PATJ: variants seen among roughly 807,000 people sequenced by gnomAD.
PATJ encodes the protein inaD-like protein.
A neutral mutation model predicts 224.9 loss-of-function variants in PATJ; 190 were observed. That is an observed-to-expected ratio of 0.84 (90% CI 0.75 to 0.95). PATJ has a LOEUF of 0.95. PATJ is among the 40% of genes least tolerant of loss of function. The pLI, the probability that PATJ is intolerant of heterozygous loss-of-function variation, is 0.00. For missense variants in PATJ, 2,121 were observed against 2,270.3 expected, an observed-to-expected ratio of 0.93 and a Z score of 1.34; for synonymous variants, 769 against 820.3, an observed-to-expected ratio of 0.94 and a Z score of 1.07.
chr1:62,057,841 G>A (rs1398942164), intron 31 of PATJ, among the ~76,000 whole-genome samples: 1 of 152,166 alleles, frequency 6.6e-6, no homozygotes, highest in African/African-American at 2.4e-5. Flanking sequence ...GCTTGGCCAG[G>A]AGCCCAAGAG....
chr1:61,956,350 C>A (rs145720804), intron 27 of PATJ, among the ~76,000 whole-genome samples: 2 of 152,098 alleles, frequency 1.3e-5, no homozygotes, highest in African/African-American at 4.8e-5. Flanking sequence ...TGGAAATGTA[C>A]GAGCATTTTG....
intron 27 of PATJ, among the ~76,000 whole-genome samples, chr1:61,973,580 A>G (rs1683259401): frequency 6.6e-6 from 1 of 152,024 alleles, no homozygotes; most frequent in African/African-American, 2.4e-5. Context: ...GCTGATGACC[A>G]CGATCTGATG....
chr1:61,814,329 G>C (rs1655596772), intron 14 of PATJ, among the ~76,000 whole-genome samples: 1 of 152,028 alleles, frequency 6.6e-6, no homozygotes, highest in African/African-American at 2.4e-5. Flanking sequence ...TTTTTGTAAA[G>C]ACGGGATTTC....
intron 27 of PATJ, among the ~76,000 whole-genome samples, chr1:61,947,453 TC>T (rs200133596): frequency 0.028 from 4,280 of 152,146 alleles, 230 homozygotes; most frequent in African/African-American, 0.098. Context: ...ATGAGTGAAC[TC>T]CCCTTCACAA....
At chr1:62,085,585 C>G (rs1044985254) in intron 33 of PATJ, among the ~76,000 whole-genome samples, 1 of 151,946 alleles carries the variant, frequency 6.6e-6, no homozygotes, top group African/African-American at 2.4e-5. Flanking sequence ...GTAACCGAGG[C>G]AGGTGGATAG....
chr1:62,012,580 C>A (rs1033295938), intron 28 of PATJ, among the ~76,000 whole-genome samples: 2 of 152,042 alleles, frequency 1.3e-5, no homozygotes, highest in African/African-American at 2.4e-5. Flanking sequence ...TAATCTAAAG[C>A]TAATTGTGCA....
intron 27 of PATJ, among the ~76,000 whole-genome samples, chr1:61,982,961 C>T (rs930691398): frequency 7.9e-5 from 12 of 151,890 alleles, no homozygotes; most frequent in African/African-American, 2.9e-4. Context: ...ATACTCTTTA[C>T]CTCTTTAGTC....
intron 27 of PATJ, among the ~76,000 whole-genome samples, chr1:61,970,031 A>C (rs1042869282): frequency 6.6e-6 from 1 of 151,744 alleles, no homozygotes; most frequent in Admixed American, 6.6e-5. Flanking sequence ...TTAAGTTGTG[A>C]AATTTTGATG....
At chr1:61,921,099 A>G (rs980698761) in intron 26 of PATJ, among the ~76,000 whole-genome samples, 7 of 152,056 alleles carry the variant, frequency 4.6e-5, no homozygotes, top group African/African-American at 1.7e-4. Context: ...TCTGTGATCA[A>G]TATTTTGGTT....
chr1:61,885,023 G>A (rs1288981728), intron 22 of PATJ, among the ~76,000 whole-genome samples: 4 of 152,146 alleles, frequency 2.6e-5, no homozygotes, highest in South Asian at 2.1e-4. Flanking sequence ...AAGATTAAGC[G>A]TAGGTGAAAC....
Position 61,990,321 on chromosome 1 carries a change from CT to C in PATJ, c.3825del (p.Ala1276ProfsTer13). 6.2e-7 allele frequency: 1 copy of C among 1,613,512 alleles called. No individual in the cohort carries two copies. The highest frequency in any genetic ancestry group is 8.5e-7 in the Non-Finnish European group (1 of 1,179,866). On this transcript the variant is annotated frameshift_variant, in exon 28 of 44. Transcript: ENST00000642238. LOFTEE classifies it high-confidence loss of function. Reference protein sequence around the residue: ...FVVGINPEGPAAADGRMRIGD... With the variant: ...FVVGINPEGPXAADGRMRIGD... ...GTGGGAATTAACCCGGAAGGACCTG[CT>C]GCCGCAGATGGACGAATGCGTATTG...
At chr1:61,875,600 A>T (rs1197097772) in intron 21 of PATJ, 2 of 348,642 alleles carry the variant, frequency 5.7e-6, no homozygotes, top group Non-Finnish European at 1.1e-5. Context: ...TCTCTGCCTC[A>T]TGTTGCATTT....
At chr1:61,890,585 C>T (rs367645120) in intron 22 of PATJ, among the ~76,000 whole-genome samples, 1 of 152,082 alleles carries the variant, frequency 6.6e-6, no homozygotes, top group African/African-American at 2.4e-5. Flanking sequence ...CAGCCTTGAC[C>T]TCCCAGGTTC....
intron 41 of PATJ, among the ~76,000 whole-genome samples, chr1:62,143,148 G>C (rs993096011): frequency 1.3e-5 from 2 of 151,974 alleles, no homozygotes; most frequent in Admixed American, 1.3e-4. Context: ...AGGAGTGGAG[G>C]GATCAGATAT....
intron 31 of PATJ, among the ~76,000 whole-genome samples, chr1:62,055,530 G>A (rs921056375): frequency 6.6e-6 from 1 of 152,112 alleles, no homozygotes; most frequent in African/African-American, 2.4e-5. Flanking sequence ...TAAAATGGGA[G>A]GAAAAATTAA....
At chr1:61,796,209 T>A (rs561595433) in intron 10 of PATJ, among the ~76,000 whole-genome samples, 2 of 152,314 alleles carry the variant, frequency 1.3e-5, no homozygotes, top group African/African-American at 4.8e-5. Context: ...AAAAGCCTTA[T>A]GGGGAAAGTT....
At chr1:62,100,433 G>A in intron 33 of PATJ, 1 of 717,410 alleles carries the variant, frequency 1.4e-6, no homozygotes, top group Admixed American at 2.0e-5. Context: ...CAGAGAGGGA[G>A]GGGGGCTGAA....
chr1:61,943,090 C>T (rs1252937920), intron 27 of PATJ, among the ~76,000 whole-genome samples: 1 of 152,170 alleles, frequency 6.6e-6, no homozygotes. Context: ...AAAAGGAGTT[C>T]AATGCTGCTA....
chr1:61,949,830 TG>T (rs34281635), intron 27 of PATJ, among the ~76,000 whole-genome samples: 62,604 of 151,846 alleles, frequency 0.41, 14,024 homozygotes, highest in East Asian at 0.81. Flanking sequence ...CACATGAACC[TG>T]GCAGAGGCTG....
Sources: allele counts gnomAD v4.1 joint callset (sites outside exome capture counted in the v4.1 genomes callset), GRCh38; gene constraint gnomAD v4.1.1; transcripts MANE v1.5; gene names NCBI Gene and HGNC (gene_info 2026-07-23, HGNC 2026-07-21).